HTR2C: variants seen among roughly 807,000 people sequenced by gnomAD.
HTR2C encodes 5-hydroxytryptamine receptor 2C, also known as 5-hydroxytryptamine (serotonin) receptor 2C, G protein-coupled.
A neutral mutation model predicts 21.0 loss-of-function variants in HTR2C; 5 were observed. That is an observed-to-expected ratio of 0.24 (90% CI 0.12 to 0.50). The LOEUF (loss-of-function observed/expected upper bound fraction) is 0.50. Ranked by LOEUF, HTR2C falls within the 20% of genes least tolerant of loss-of-function variation. HTR2C has a pLI of 0.98. For synonymous variants in HTR2C, 150 were observed against 145.3 expected, an observed-to-expected ratio of 1.03 and a Z score of -0.23; for missense variants, 271 against 371.2, an observed-to-expected ratio of 0.73 and a Z score of 2.22.
At chrX:114,756,921 T>A (rs1388881758) in intron 4 of HTR2C, among the ~76,000 whole-genome samples, 3 of 111,498 alleles carry the variant, frequency 2.7e-5, no homozygotes, top group African/African-American at 9.8e-5. Context: ...AAATTTTAAT[T>A]AAAAAATGTA....
intron 5 of HTR2C, among the ~76,000 whole-genome samples, chrX:114,862,254 G>A (rs2071012228): frequency 9.1e-6 from 1 of 110,072 alleles, no homozygotes; most frequent in Admixed American, 9.7e-5. Flanking sequence ...TTTCCTATTG[G>A]GCTTTATTGA....
chrX:114,749,453 C>CAAAAAAAAAAAAA (rs782652879), intron 4 of HTR2C, among the ~76,000 whole-genome samples: 174 of 41,819 alleles, frequency 4.2e-3, no homozygotes, highest in South Asian at 7.2e-3. Flanking sequence ...GTCCATGTCT[C>CAAAAAAAAAAAAA]AAAAAAAAAA....
At chrX:114,811,243 C>T (rs782018618) in intron 4 of HTR2C, among the ~76,000 whole-genome samples, 9 of 110,416 alleles carry the variant, frequency 8.2e-5, no homozygotes, top group African/African-American at 3.0e-4. Flanking sequence ...AATATAAGCA[C>T]TATTAATGGG....
intron 5 of HTR2C, among the ~76,000 whole-genome samples, chrX:114,852,006 T>C (rs2070921778): frequency 9.0e-6 from 1 of 111,610 alleles, no homozygotes; most frequent in African/African-American, 3.3e-5. Context: ...ATATATTTAT[T>C]ATTTATATTT....
intron 3 of HTR2C, 86 bp downstream of exon 3, chrX:114,727,057 G>A (rs2069488726): frequency 3.7e-6 from 2 of 533,988 alleles, no homozygotes; most frequent in African/African-American, 5.0e-5. Context: ...GCTTCTATAT[G>A]ATCAGCTATA....
chrX:114,609,095 C>T (rs1928605685), intron 1 of HTR2C, among the ~76,000 whole-genome samples: 1 of 111,683 alleles, frequency 9.0e-6, no homozygotes, highest in Admixed American at 9.5e-5. Context: ...AGTGGTGTGG[C>T]ATAACACATT....
chrX:114,636,336 T>C (rs186083926), intron 2 of HTR2C, among the ~76,000 whole-genome samples: 191 of 111,356 alleles, frequency 1.7e-3, no homozygotes, highest in Non-Finnish European at 1.9e-3. Flanking sequence ...GTTGGAAAAG[T>C]AACCCTAAAA....
intron 4 of HTR2C, among the ~76,000 whole-genome samples, chrX:114,800,034 G>A (rs2070330969): frequency 1.8e-5 from 2 of 110,711 alleles, no homozygotes; most frequent in South Asian, 7.5e-4. Context: ...TGACTTTTGA[G>A]TAGGGTCTTA....
At chrX:114,619,494 C>T (rs1340304975) in intron 2 of HTR2C, among the ~76,000 whole-genome samples, 1 of 111,112 alleles carries the variant, frequency 9.0e-6, no homozygotes, top group African/African-American at 3.3e-5. Flanking sequence ...ATAGTTGGGC[C>T]CCACTGATCT....
chrX:114,809,970 A>G (rs961690300), intron 4 of HTR2C, among the ~76,000 whole-genome samples: 8 of 111,745 alleles, frequency 7.2e-5, no homozygotes, highest in Non-Finnish European at 1.5e-4. Context: ...TTCAGGGACA[A>G]AAGGTTCTTT....
chrX:114,718,999 TA>T (rs1933094623), intron 2 of HTR2C, among the ~76,000 whole-genome samples: 1 of 97,947 alleles, frequency 1.0e-5, no homozygotes. Context: ...TAATATAATA[TA>T]TAATAATAAT....
intron 4 of HTR2C, among the ~76,000 whole-genome samples, chrX:114,771,631 T>A (rs1182372258): frequency 8.9e-6 from 1 of 112,274 alleles, no homozygotes; most frequent in African/African-American, 3.2e-5. Context: ...TGCAGCCTTT[T>A]AGATTTCCTG....
chrX:114,909,747 C>A lies in HTR2C; in HGVS notation c.*2332C>A, dbSNP rs1245303804. On this transcript the variant is annotated 3_prime_UTR_variant, in exon 6 of 6. Coordinates refer to ENST00000276198, the MANE Select transcript of HTR2C (RefSeq NM_000868.4). ...CAGTTTGGTATGAAACAAATATACT[C>A]ATTTGGATATAAATCTTACCCTTCA... is the stretch of plus-strand genomic sequence containing the variant. 2 of 112,030 alleles carry A rather than the reference C, an allele frequency of 1.8e-5. No individual in the cohort carries two copies. Among genetic ancestry groups the A allele is most frequent in the East Asian group, 5.6e-4 (2 of 3,540 alleles). 9.2% of individuals were successfully genotyped at this position (112,030 alleles called of 1,213,427 possible). A position where few individuals can be genotyped will look rare whatever the true frequency, so the allele number is the denominator to read the frequency against.
intron 2 of HTR2C, chrX:114,639,364 C>CT (rs1486502787): frequency 1.8e-5 from 2 of 112,673 alleles, no homozygotes; most frequent in African/African-American, 6.5e-5. Context: ...GACTCTTGGC[C>CT]TTTTTCAGAA....
chrX:114,652,664 A>G (rs375047122), intron 2 of HTR2C: 1 of 377,967 alleles, frequency 2.6e-6, no homozygotes, highest in African/African-American at 2.7e-5. Flanking sequence ...CAGGTCCTCA[A>G]TAAGTATTTG....
chrX:114,814,896 ATAT>A (rs1482574089), intron 4 of HTR2C, among the ~76,000 whole-genome samples: 13 of 102,333 alleles, frequency 1.3e-4, no homozygotes, highest in African/African-American at 3.5e-4. Flanking sequence ...ATATATTATA[ATAT>A]TATATAGTAT....
At chrX:114,738,601 C>T (rs2069613645) in intron 4 of HTR2C, among the ~76,000 whole-genome samples, 1 of 109,734 alleles carries the variant, frequency 9.1e-6, no homozygotes, top group African/African-American at 3.3e-5. Context: ...AACACATGGA[C>T]ACAGGGAGGG....
chrX:114,749,854 C>G (rs1263326321), intron 4 of HTR2C, among the ~76,000 whole-genome samples: 1 of 112,092 alleles, frequency 8.9e-6, no homozygotes, highest in Non-Finnish European at 1.9e-5. Context: ...CAAATTGCCC[C>G]TTACCATTAC....
chrX:114,804,663 C>A (rs1228214544), intron 4 of HTR2C, among the ~76,000 whole-genome samples: 2 of 111,602 alleles, frequency 1.8e-5, no homozygotes. Context: ...TCTTAAGTGG[C>A]AAGTAAGCTA....
Sources: gnomAD v4.1 joint callset for allele counts (sites outside exome capture counted in the v4.1 genomes callset) on GRCh38, gnomAD v4.1.1 for gene constraint, MANE v1.5 for transcripts, NCBI Gene and HGNC (gene_info 2026-07-23, HGNC 2026-07-21) for gene names.